The following GNAI1 variants were observed in gnomAD, a reference collection of about 807,000 sequenced individuals.
GNAI1 encodes G protein subunit alpha i1.
In GNAI1, 11 loss-of-function variants were observed where a neutral mutation model predicts 38.9. The observed-to-expected ratio is 0.28, with a 90% CI of 0.18 to 0.47. GNAI1 has a LOEUF of 0.47. Among genes scored for constraint, GNAI1 ranks in the 20% least tolerant of loss-of-function variants. The pLI, the probability that GNAI1 is intolerant of heterozygous loss-of-function variation, is 0.99. For synonymous variants in GNAI1, 166 were observed against 145.1 expected, an observed-to-expected ratio of 1.14 and a Z score of -1.04; for missense variants, 317 against 436.9, an observed-to-expected ratio of 0.73 and a Z score of 2.45.
chr7:80,212,713 C>T lies in GNAI1; in HGVS notation c.721-3C>T, dbSNP rs1788895494. The T allele has an allele frequency of 6.7e-7, 1 of 1,500,866 alleles. No homozygotes were observed. Among genetic ancestry groups the T allele is most frequent in the Non-Finnish European group, 8.8e-7 (1 of 1,131,138 alleles). The allele number at this position is 1,500,866 out of a possible 1,614,324, so 93.0% of individuals were successfully genotyped here. ...CGATTGGTTTTATTTTTTTCTATTACAGAACCGAATGCATGAAAGCATGAA... is the reference window on the plus strand; with the variant it reads ...CGATTGGTTTTATTTTTTTCTATTATAGAACCGAATGCATGAAAGCATGAA... On this transcript the variant is annotated splice_region_variant and splice_polypyrimidine_tract_variant and intron_variant, in intron 6 of 7. Coordinates refer to ENST00000649796, the MANE Select transcript of GNAI1 (RefSeq NM_002069.6).
At position 80,222,007 on chromosome 7, in the gene GNAI1, T is replaced by C. The variant is rs908900727; in HGVS notation, c.*4514T>C. On this transcript the variant is annotated 3_prime_UTR_variant, in exon 8 of 8. Coordinates refer to ENST00000649796, the MANE Select transcript of GNAI1 (RefSeq NM_002069.6). Reference sequence around the variant, plus strand: ...TGAAATGCATTTATATAAAGAAGTTTACGTTTCACAATCCCACTGGCCTGT... The same window carrying C: ...TGAAATGCATTTATATAAAGAAGTTCACGTTTCACAATCCCACTGGCCTGT... Among the ~76,000 whole-genome samples the C allele has an allele frequency of 6.6e-6, 1 of 152,186 alleles. No individual in the cohort carries two copies. Among genetic ancestry groups the C allele is most frequent in the South Asian group, 2.1e-4 (1 of 4,832 alleles).
At chr7:80,142,141 T>C (rs1036923682) in intron 1 of GNAI1, among the ~76,000 whole-genome samples, 3 of 152,212 alleles carry the variant, frequency 2.0e-5, no homozygotes, top group Admixed American at 6.5e-5. Flanking sequence ...TTTTCTATTA[T>C]GCTTCTCAAA....
intron 4 of GNAI1, among the ~76,000 whole-genome samples, chr7:80,202,122 G>A (rs1186368765): frequency 6.6e-6 from 1 of 151,972 alleles, no homozygotes; most frequent in Non-Finnish European, 1.5e-5. Context: ...ATGGAGTCGG[G>A]CTTTGTCCCC....
intron 1 of GNAI1, 42 bp from the exon 2 acceptor site, chr7:80,188,909 A>G (rs1788432961): frequency 7.8e-7 from 1 of 1,284,494 alleles, no homozygotes; most frequent in Non-Finnish European, 1.1e-6. Context: ...TACTTAAGTG[A>G]TTATGATGAA....
Position 80,217,726 on chromosome 7 carries a change from C to T in GNAI1, c.*233C>T. On this transcript the variant is annotated 3_prime_UTR_variant, in exon 8 of 8. Transcript: ENST00000649796. ...TGAAGGACAGTGTTAAAGCTGGGCT[C>T]TAGTATATTGATGATTTCTGCATAA... 1 of 304,782 alleles carries T rather than the reference C, an allele frequency of 3.3e-6. No homozygotes were observed. The highest frequency in any genetic ancestry group is 6.0e-6 in the Non-Finnish European group (1 of 166,596). The allele number at this position is 304,782 out of a possible 1,614,324, so 18.9% of individuals were successfully genotyped here. A position where few individuals can be genotyped will look rare whatever the true frequency, so the allele number is the denominator to read the frequency against.
At chr7:80,195,625 C>A (rs562458084) in intron 3 of GNAI1, among the ~76,000 whole-genome samples, 92 of 151,854 alleles carry the variant, frequency 6.1e-4, no homozygotes, top group Non-Finnish European at 1.1e-3. Context: ...GAAAGGCCTT[C>A]AATAAAATTC....
At chr7:80,137,602 G>T (rs1787447913) in intron 1 of GNAI1, among the ~76,000 whole-genome samples, 1 of 152,178 alleles carries the variant, frequency 6.6e-6, no homozygotes. Context: ...TTACAGGCGT[G>T]AGCCACCTTG....
At chr7:80,199,470 G>A in intron 4 of GNAI1, 88 bp downstream of exon 4, 1 of 965,686 alleles carries the variant, frequency 1.0e-6, no homozygotes, top group Non-Finnish European at 1.5e-6. Context: ...CTGCAGAATT[G>A]GCTGACACAT....
intron 1 of GNAI1, among the ~76,000 whole-genome samples, chr7:80,173,237 A>T (rs1029454969): frequency 6.6e-6 from 1 of 152,232 alleles, no homozygotes; most frequent in Admixed American, 6.5e-5. Context: ...AAGCCATCTC[A>T]TGAAGATGAC....
chr7:80,202,478 C>T (rs1788705871), intron 4 of GNAI1, among the ~76,000 whole-genome samples: 1 of 152,148 alleles, frequency 6.6e-6, no homozygotes, highest in African/African-American at 2.4e-5. Context: ...GCAGTAAAAT[C>T]TTGCCATGGC....
At chr7:80,159,711 A>T (rs1163598889) in intron 1 of GNAI1, among the ~76,000 whole-genome samples, 3 of 152,128 alleles carry the variant, frequency 2.0e-5, no homozygotes, top group Admixed American at 6.5e-5. Context: ...CTCTCCAGGT[A>T]GATATTCTTG....
rs550900114 is a variant in GNAI1 at position 80,219,793 on chromosome 7, G to A, written c.*2300G>A. Among the ~76,000 whole-genome samples the A allele has an allele frequency of 1.3e-5, 2 of 152,248 alleles. No homozygotes were observed. The highest frequency in any genetic ancestry group is 2.9e-5 in the Non-Finnish European group (2 of 68,014). On this transcript the variant is annotated 3_prime_UTR_variant, in exon 8 of 8. Transcript: ENST00000649796. ...GGTTACATATGTATACATGTGCCAT[G>A]GTGGTTTGCTGCACCTATCAACCTG...
chr7:80,146,427 A>T (rs1166241059), intron 1 of GNAI1, among the ~76,000 whole-genome samples: 2 of 152,154 alleles, frequency 1.3e-5, no homozygotes, highest in Non-Finnish European at 2.9e-5. Flanking sequence ...AAAATTTCTC[A>T]TATTACATTC....
rs902705727 is a variant in GNAI1, at chr7:80,219,503, A to G, written c.*2010A>G. 1 of 152,150 alleles carries G rather than the reference A, an allele frequency of 6.6e-6. No homozygotes were observed. Among genetic ancestry groups the G allele is most frequent in the African/African-American group, 2.4e-5 (1 of 41,386 alleles). 9.4% of individuals were successfully genotyped at this position (152,150 alleles called of 1,614,324 possible). On this transcript the variant is annotated 3_prime_UTR_variant, in exon 8 of 8. Coordinates refer to ENST00000649796, the MANE Select transcript of GNAI1 (RefSeq NM_002069.6). ...CTATGCTCTTTTTACAATTTCAGCT[A>G]CTCCAGAAGCTCAGATTTTCCCTGT... is the stretch of plus-strand genomic sequence containing the variant.
Position 80,224,394 on chromosome 7 carries a change from T to A in GNAI1, c.*6901T>A, listed in dbSNP as rs188561859. Among the ~76,000 whole-genome samples the A allele has an allele frequency of 2.1e-4, 32 of 152,308 alleles. No homozygotes were observed. In the East Asian group the frequency reaches 5.4e-3, roughly 26 times the overall value. On this transcript the variant is annotated 3_prime_UTR_variant, in exon 8 of 8. Coordinates refer to ENST00000649796, the MANE Select transcript of GNAI1 (RefSeq NM_002069.6). ...GTGTAAAATCTAGAGTTAAGACCTT[T>A]GTTAGCCATATCTTCAAAATCCAGT...
At chr7:80,199,147 A>T in intron 3 of GNAI1, 78 bp from the exon 4 acceptor site, 1 of 987,872 alleles carries the variant, frequency 1.0e-6, no homozygotes. Context: ...TTTTTTTTTA[A>T]CTCTAGAATT....
intron 1 of GNAI1, among the ~76,000 whole-genome samples, chr7:80,184,071 A>G (rs983761841): frequency 1.3e-5 from 2 of 152,058 alleles, no homozygotes; most frequent in Non-Finnish European, 2.9e-5. Context: ...CTTAAAGGAG[A>G]CCAGTGGGCG....
intron 5 of GNAI1, among the ~76,000 whole-genome samples, chr7:80,208,695 CTTA>C (rs1165124241): frequency 6.6e-6 from 1 of 152,166 alleles, no homozygotes; most frequent in Non-Finnish European, 1.5e-5. Flanking sequence ...TTCCATTTGG[CTTA>C]ATAGTTCATT....
At position 80,225,885 on chromosome 7, in the gene GNAI1, G is replaced by T. The variant is rs1018893453; in HGVS notation, c.*8392G>T. Among the ~76,000 whole-genome samples, 1 of 151,666 alleles carries T rather than the reference G, an allele frequency of 6.6e-6. No homozygotes were observed. The highest frequency in any genetic ancestry group is 2.4e-5 in the African/African-American group (1 of 41,294). ...CTACCCTTGTCCTTGGAATGTGTAT[G>T]CACACACACACACATCTGTGAGAAT... On this transcript the variant is annotated 3_prime_UTR_variant, in exon 8 of 8. Transcript: ENST00000649796.
Sources: allele counts gnomAD v4.1 joint callset (sites outside exome capture counted in the v4.1 genomes callset), GRCh38; gene constraint gnomAD v4.1.1; transcripts MANE v1.5; gene names NCBI Gene and HGNC (gene_info 2026-07-23, HGNC 2026-07-21).